Variants in NMNAT3 observed in about 807,000 individuals in gnomAD.
NMNAT3 encodes nicotinamide/nicotinic acid mononucleotide adenylyltransferase 3.
A neutral mutation model predicts 24.8 loss-of-function variants in NMNAT3; 21 were observed. That is an observed-to-expected ratio of 0.85 (90% CI 0.60 to 1.22). The LOEUF (loss-of-function observed/expected upper bound fraction) is 1.22. Ranked by LOEUF, NMNAT3 falls within the 50% of genes most tolerant of loss-of-function variation. NMNAT3 has a pLI of 0.00. For synonymous variants in NMNAT3, 136 were observed against 155.2 expected, an observed-to-expected ratio of 0.88 and a Z score of 0.92; for missense variants, 387 against 436.6, an observed-to-expected ratio of 0.89 and a Z score of 1.01.
chr3:139,674,412 C>T (rs1164439493), intron 1 of NMNAT3, among the ~76,000 whole-genome samples: 1 of 152,226 alleles, frequency 6.6e-6, no homozygotes, highest in South Asian at 2.1e-4. Flanking sequence ...CTGAGGCCTG[C>T]CCCGCAAAAT....
intron 6 of NMNAT3, among the ~76,000 whole-genome samples, chr3:139,561,672 C>G (rs909028761): frequency 6.6e-6 from 1 of 152,108 alleles, no homozygotes; most frequent in African/African-American, 2.4e-5. Context: ...AGAAGTCTGT[C>G]TGTGGTTGCT....
intron 5 of NMNAT3, among the ~76,000 whole-genome samples, chr3:139,577,125 C>CAA (rs34969251): frequency 0.039 from 5,584 of 142,068 alleles, 147 homozygotes; most frequent in Middle Eastern, 0.08. Context: ...GACCCTATCT[C>CAA]AAAAAAAAAA....
At chr3:139,639,005 A>G (rs2056605372) in intron 1 of NMNAT3, among the ~76,000 whole-genome samples, 3 of 152,162 alleles carry the variant, frequency 2.0e-5, no homozygotes, top group Non-Finnish European at 4.4e-5. Context: ...TAATAGCTAC[A>G]TCATTTAGAC....
At chr3:139,638,796 T>G (rs550775595) in intron 1 of NMNAT3, among the ~76,000 whole-genome samples, 55 of 152,290 alleles carry the variant, frequency 3.6e-4, no homozygotes, top group African/African-American at 1.3e-3. Context: ...GCTGATTCCC[T>G]GCTTAATCCC....
chr3:139,570,438 G>A (rs1938027659), intron 6 of NMNAT3: 1 of 152,146 alleles, frequency 6.6e-6, no homozygotes, highest in Non-Finnish European at 1.5e-5. Flanking sequence ...AGAGTTTCCA[G>A]TTTTTCTGCT....
chr3:139,615,138 C>T (rs1373033612), intron 3 of NMNAT3, among the ~76,000 whole-genome samples: 2 of 152,188 alleles, frequency 1.3e-5, no homozygotes, highest in Admixed American at 1.3e-4. Flanking sequence ...GGAGACCTTA[C>T]ATTGGCTGTA....
At chr3:139,582,836 A>G (rs1361019338) in intron 4 of NMNAT3, 3 of 792,186 alleles carry the variant, frequency 3.8e-6, no homozygotes, top group Non-Finnish European at 5.6e-6. Context: ...ATTCAATGCA[A>G]CTCTTCTTTC....
intron 1 of NMNAT3, among the ~76,000 whole-genome samples, chr3:139,656,468 T>C (rs1217130016): frequency 6.6e-6 from 1 of 152,116 alleles, no homozygotes; most frequent in African/African-American, 2.4e-5. Flanking sequence ...TACTCTGCTC[T>C]CACGGAACTC....
chr3:139,642,920 T>G (rs1375902487), intron 1 of NMNAT3, among the ~76,000 whole-genome samples: 1 of 152,172 alleles, frequency 6.6e-6, no homozygotes, highest in Non-Finnish European at 1.5e-5. Flanking sequence ...TGCTGGGCCC[T>G]CTGCCTAGAA....
intron 5 of NMNAT3, among the ~76,000 whole-genome samples, chr3:139,576,572 T>C (rs573038028): frequency 7.9e-5 from 12 of 152,268 alleles, no homozygotes; most frequent in Admixed American, 2.0e-4. Context: ...TTGGTACTGA[T>C]CATAAGCTTA....
intron 3 of NMNAT3, among the ~76,000 whole-genome samples, chr3:139,612,370 G>A (rs1303431485): frequency 6.6e-6 from 1 of 152,122 alleles, no homozygotes; most frequent in African/African-American, 2.4e-5. Flanking sequence ...AGATGAGCAG[G>A]CAAGCAACAG....
chr3:139,571,254 T>G (rs1054825111), intron 6 of NMNAT3: 1 of 152,202 alleles, frequency 6.6e-6, no homozygotes, highest in East Asian at 1.9e-4. Flanking sequence ...TGTCACTGCT[T>G]TCTTTGACTA....
chr3:139,577,548 A>G (rs2108083225), intron 5 of NMNAT3, among the ~76,000 whole-genome samples: 1 of 152,322 alleles, frequency 6.6e-6, no homozygotes, highest in Non-Finnish European at 1.5e-5. Context: ...TTCTGCCTAC[A>G]TATTAAAGCT....
At chr3:139,647,175 A>G (rs368636799) in intron 1 of NMNAT3, among the ~76,000 whole-genome samples, 1 of 152,238 alleles carries the variant, frequency 6.6e-6, no homozygotes, top group African/African-American at 2.4e-5. Context: ...AATTTCACTC[A>G]TTACAGTTGT....
At position 139,618,033 on chromosome 3, in the gene NMNAT3, C is replaced by T. The variant is rs144206575; in HGVS notation, c.109+9583G>A. On this transcript the variant is annotated intron_variant, in intron 3 of 6. Transcript: ENST00000643695. ...CCACTACACAAATTCATCCATCAAG[C>T]CTTTGAGAATCTTCTCTGTGACAAC... is the stretch of plus-strand genomic sequence containing the variant. 1.1e-3 allele frequency among the ~76,000 whole-genome samples: 169 copies of T among 152,318 alleles called. 2 individuals are homozygous for T. Among genetic ancestry groups the T allele is most frequent in the African/African-American group, 3.9e-3 (164 of 41,586 alleles).
intron 1 of NMNAT3, among the ~76,000 whole-genome samples, chr3:139,665,253 A>G (rs2057539852): frequency 6.6e-6 from 1 of 152,182 alleles, no homozygotes; most frequent in African/African-American, 2.4e-5. Context: ...GAAACCACAC[A>G]GGCCTTAAGT....
chr3:139,576,101 G>A, intron 5 of NMNAT3: 1 of 1,263,566 alleles, frequency 7.9e-7, no homozygotes, highest in Non-Finnish European at 1.0e-6. Flanking sequence ...TCATAGAGAT[G>A]TTTGTTACTA....
intron 4 of NMNAT3, among the ~76,000 whole-genome samples, chr3:139,581,902 A>C (rs1242387699): frequency 6.6e-6 from 1 of 151,620 alleles, no homozygotes; most frequent in African/African-American, 2.4e-5. Flanking sequence ...ATTTTTAAAA[A>C]CTGTAAGGCA....
intron 6 of NMNAT3, among the ~76,000 whole-genome samples, chr3:139,562,032 T>C (rs1202816073): frequency 6.6e-6 from 1 of 152,220 alleles, no homozygotes; most frequent in East Asian, 1.9e-4. Context: ...ATGCTAATTG[T>C]GATAATGAAA....
Sources: allele counts gnomAD v4.1 joint callset (sites outside exome capture counted in the v4.1 genomes callset), GRCh38; gene constraint gnomAD v4.1.1; transcripts MANE v1.5; gene names NCBI Gene and HGNC (gene_info 2026-07-23, HGNC 2026-07-21).